STK32A: variants seen among roughly 807,000 people sequenced by gnomAD.
STK32A encodes the protein serine/threonine-protein kinase 32A.
Under a neutral mutation model 53.2 loss-of-function variants are expected in STK32A, and 41 were observed. The ratio of observed to expected loss-of-function variants is 0.77; its 90% CI spans 0.60 to 1.00. The LOEUF is 1.00. Ranked by LOEUF, STK32A falls within the 50% of genes least tolerant of loss-of-function variation. The probability of loss-of-function intolerance (pLI) is 0.00; values close to 1 mark genes in which losing one functional copy is unlikely to be tolerated. For missense variants in STK32A, 458 were observed against 485.8 expected (o/e 0.94, Z 0.54); for synonymous variants, 166 against 162.8 (o/e 1.02, Z -0.15).
At chr5:147,297,205 C>A (rs919222409) in intron 4 of STK32A, among the ~76,000 whole-genome samples, 1 of 152,062 alleles carries the variant, frequency 6.6e-6, no homozygotes, top group Non-Finnish European at 1.5e-5. Flanking sequence ...TTGCTCACTG[C>A]AAATAGAATA....
At chr5:147,310,110 T>G (rs1399448007) in intron 4 of STK32A, among the ~76,000 whole-genome samples, 1 of 152,212 alleles carries the variant, frequency 6.6e-6, no homozygotes, top group African/African-American at 2.4e-5. Flanking sequence ...GTATTATTCC[T>G]GCGTTCCTGG....
intron 4 of STK32A, among the ~76,000 whole-genome samples, chr5:147,319,950 A>G (rs1468963331): frequency 6.6e-6 from 1 of 152,176 alleles, no homozygotes; most frequent in Non-Finnish European, 1.5e-5. Context: ...CATGGTTTTC[A>G]AGCTTTTTTG....
chr5:147,360,450 C>CAAAAAAAAAAAAAA (rs56690647), intron 7 of STK32A, among the ~76,000 whole-genome samples: 4 of 81,192 alleles, frequency 4.9e-5, no homozygotes, highest in East Asian at 6.4e-4. Context: ...GATTCTGTCT[C>CAAAAAAAAAAAAAA]AAAAAAAAAA....
rs555752281 is a variant in STK32A at position 147,361,029 on chromosome 5, C to G, written c.563-488C>G. On this transcript the variant is annotated intron_variant, in intron 7 of 12. Transcript: ENST00000397936. ...CCCTCTTTTCTCCCTCCCTCATCCCCAACAGATGGCTGCAAGTGCTTCCCT... is the reference window on the plus strand; with the variant it reads ...CCCTCTTTTCTCCCTCCCTCATCCCGAACAGATGGCTGCAAGTGCTTCCCT... 2.0e-5 allele frequency among the ~76,000 whole-genome samples: 3 copies of G among 152,282 alleles called. No individual in the cohort carries two copies. In the South Asian group the frequency reaches 6.2e-4, roughly 32 times the overall value.
chr5:147,289,739 G>T (rs747832044), intron 4 of STK32A, among the ~76,000 whole-genome samples: 13 of 151,948 alleles, frequency 8.6e-5, no homozygotes, highest in Non-Finnish European at 1.5e-4. Context: ...CTAGAAAAAT[G>T]AAAATTCTTC....
chr5:147,259,496 G>C (rs531275842), intron 2 of STK32A, among the ~76,000 whole-genome samples: 1 of 151,702 alleles, frequency 6.6e-6, no homozygotes. Context: ...TAGGGTCACC[G>C]AGAAGACCTT....
intron 11 of STK32A, chr5:147,382,838 A>G (rs1471570340): frequency 1.3e-5 from 2 of 152,248 alleles, no homozygotes; most frequent in Admixed American, 6.5e-5. Context: ...CTGGCCCTTT[A>G]ATTCTCCCAG....
chr5:147,337,066 G>C lies in STK32A; in HGVS notation c.435-5940G>C, dbSNP rs545514248. 2.0e-5 allele frequency among the ~76,000 whole-genome samples: 3 copies of C among 152,328 alleles called. No homozygotes were observed. The South Asian group carries it at 6.2e-4, about 32-fold the overall frequency. On this transcript the variant is annotated intron_variant, in intron 5 of 12. Transcript: ENST00000397936. Reference sequence around the variant, plus strand: ...CGCAATGAAGGGATGTAATTAGCCTGTTAACCCTGCTAATGTCTTGTAAAG... The same window carrying C: ...CGCAATGAAGGGATGTAATTAGCCTCTTAACCCTGCTAATGTCTTGTAAAG...
chr5:147,369,804 A>T (rs1346199177), intron 8 of STK32A, among the ~76,000 whole-genome samples: 3 of 152,188 alleles, frequency 2.0e-5, no homozygotes, highest in Non-Finnish European at 4.4e-5. Context: ...CATTAAATAA[A>T]CATGTATTGT....
chr5:147,261,045 G>A (rs1205906667), intron 2 of STK32A, among the ~76,000 whole-genome samples: 5 of 151,940 alleles, frequency 3.3e-5, no homozygotes, highest in Non-Finnish European at 5.9e-5. Flanking sequence ...TTTTTTTCCC[G>A]CCTTGCTGAG....
chr5:147,288,270 T>G (rs12660051), intron 4 of STK32A, among the ~76,000 whole-genome samples: 41,342 of 152,058 alleles, frequency 0.27, 5,889 homozygotes, highest in South Asian at 0.5. Flanking sequence ...CAACTCCCTT[T>G]GTCTTCCAAA....
At chr5:147,268,906 T>C (rs1754918251) in intron 2 of STK32A, among the ~76,000 whole-genome samples, 1 of 152,126 alleles carries the variant, frequency 6.6e-6, no homozygotes, top group Non-Finnish European at 1.5e-5. Context: ...ATATGAACAT[T>C]GTTGTGAGTC....
intron 2 of STK32A, among the ~76,000 whole-genome samples, chr5:147,270,865 G>A (rs1307990939): frequency 6.6e-6 from 1 of 152,170 alleles, no homozygotes; most frequent in East Asian, 1.9e-4. Flanking sequence ...TCTTTGAAGA[G>A]CCAGTTAATA....
intron 5 of STK32A, among the ~76,000 whole-genome samples, chr5:147,341,371 G>T (rs964075792): frequency 6.6e-6 from 1 of 152,044 alleles, no homozygotes; most frequent in Admixed American, 6.6e-5. Flanking sequence ...AATTTCTCTG[G>T]GTGTCATTAA....
chr5:147,264,082 C>G (rs971678404), intron 2 of STK32A, among the ~76,000 whole-genome samples: 9 of 151,974 alleles, frequency 5.9e-5, no homozygotes, highest in African/African-American at 2.2e-4. Flanking sequence ...CAATAGTCAG[C>G]CAAACTATTA....
chr5:147,238,291 T>A (rs1269789424), intron 1 of STK32A, among the ~76,000 whole-genome samples: 1 of 152,228 alleles, frequency 6.6e-6, no homozygotes, highest in Non-Finnish European at 1.5e-5. Context: ...GCCACCATTG[T>A]CTGCCCAATG....
chr5:147,288,491 T>C (rs1356705917), intron 4 of STK32A, among the ~76,000 whole-genome samples: 2 of 152,102 alleles, frequency 1.3e-5, no homozygotes, highest in Non-Finnish European at 2.9e-5. Context: ...GAAAAGAAGT[T>C]TAAGTGGCTC....
At chr5:147,308,746 T>A (rs1478711501) in intron 4 of STK32A, among the ~76,000 whole-genome samples, 2 of 151,182 alleles carry the variant, frequency 1.3e-5, no homozygotes, top group Admixed American at 1.3e-4. Flanking sequence ...TTTTTTAACA[T>A]GAATGAGTAC....
intron 6 of STK32A, among the ~76,000 whole-genome samples, chr5:147,345,449 T>C (rs964944357): frequency 3.9e-5 from 6 of 152,220 alleles, no homozygotes; most frequent in Non-Finnish European, 1.5e-5. Flanking sequence ...TTGTTTTATG[T>C]TTCTTTGTCT....
Sources: allele counts gnomAD v4.1 joint callset (sites outside exome capture counted in the v4.1 genomes callset), GRCh38; gene constraint gnomAD v4.1.1; transcripts MANE v1.5; gene names NCBI Gene and HGNC (gene_info 2026-07-23, HGNC 2026-07-21).